The following DNAH11 variants were observed in gnomAD, a reference collection of about 807,000 sequenced individuals.
DNAH11 encodes axonemal beta dynein heavy chain 11.
In DNAH11, 442 loss-of-function variants were observed where a neutral mutation model predicts 526.0. The ratio of observed to expected loss-of-function variants is 0.84; its 90% CI spans 0.78 to 0.91. The LOEUF (loss-of-function observed/expected upper bound fraction) is 0.91, where lower values mean the gene tolerates loss of function less well. DNAH11 is among the 40% of genes least tolerant of loss of function. DNAH11 has a pLI of 0.00. For missense variants in DNAH11, 6,989 were observed against 5,448.7 expected (o/e 1.28, Z -8.90); for synonymous variants, 2,461 against 1,935.9 (o/e 1.27, Z -7.12).
chr7:21,654,775 G>T (rs1224600202), intron 28 of DNAH11, among the ~76,000 whole-genome samples: 1 of 152,146 alleles, frequency 6.6e-6, no homozygotes, highest in Non-Finnish European at 1.5e-5. Context: ...TACCTCAAGA[G>T]AGATGATAGA....
Position 21,687,446 on chromosome 7 carries a change from A to C in DNAH11, c.5843A>C (p.Asn1948Thr), listed in dbSNP as rs754385182. The C allele has an allele frequency of 8.7e-6, 14 of 1,614,006 alleles. No homozygotes were observed. The Admixed American group carries it at 2.2e-4, about 25-fold the overall frequency. The change falls in exon 34 of 82, where the codon AAC (asparagine) becomes ACC (threonine). Residue 1948 changes from asparagine (N) to threonine (T), a missense_variant. Coordinates refer to ENST00000409508, the MANE Select transcript of DNAH11 (RefSeq NM_001277115.2). The stretch of plus-strand genomic sequence containing the variant: ...GCTTGGGGCTGCTTTGATGAGTTCA[A>C]CCGAATCTCTGTGGAAGTTCTGTCA... ...TGAWGCFDEFNRISVEVLSVV... is the reference protein window; with the variant it reads ...TGAWGCFDEFTRISVEVLSVV...
At position 21,550,782 on chromosome 7, in the gene DNAH11, A is replaced by G. The variant is rs566951204; in HGVS notation, c.495+5633A>G. On this transcript the variant is annotated intron_variant, in intron 2 of 81. Coordinates refer to ENST00000409508, the MANE Select transcript of DNAH11 (RefSeq NM_001277115.2). ...AACCTGTTTTAATATTATTTTGACC[A>G]CATTCCCAGTGGTGGCTATGGAAGG... Among the ~76,000 whole-genome samples the G allele has an allele frequency of 5.9e-5, 9 of 152,310 alleles. No homozygotes were observed. In the South Asian group the frequency reaches 1.9e-3, roughly 32 times the overall value.
At chr7:21,613,553 T>C (rs1785629749) in intron 20 of DNAH11, among the ~76,000 whole-genome samples, 1 of 152,196 alleles carries the variant, frequency 6.6e-6, no homozygotes, top group Non-Finnish European at 1.5e-5. Flanking sequence ...CTTCTTTACA[T>C]AGTAGGAAAT....
intron 65 of DNAH11, among the ~76,000 whole-genome samples, chr7:21,830,355 G>C (rs958503976): frequency 2.6e-5 from 4 of 152,184 alleles, no homozygotes; most frequent in African/African-American, 4.8e-5. Context: ...TACTTCGGTA[G>C]TTGTTGCTAT....
chr7:21,771,502 TGA>T (rs1387170372), intron 55 of DNAH11, among the ~76,000 whole-genome samples: 6 of 152,170 alleles, frequency 3.9e-5, no homozygotes, highest in African/African-American at 1.2e-4. Context: ...GTGAGCCAAC[TGA>T]GAGAGTAGAA....
At position 21,559,731 on chromosome 7, in the gene DNAH11, C is replaced by T; in HGVS notation, c.821C>T (p.Pro274Leu). 1.2e-6 allele frequency: 2 copies of T among 1,608,962 alleles called. No homozygotes were observed. The highest frequency in any genetic ancestry group is 1.7e-6 in the Non-Finnish European group (2 of 1,177,426). The change falls in exon 4 of 82, where the codon CCT becomes CTT. Residue 274 changes from proline to leucine, a missense_variant. Pro to Leu is a moderately conservative substitution (Grantham distance 98). Transcript: ENST00000409508. ...QRLLNGLHLS[P>L]QAELDFWMMR... The stretch of plus-strand genomic sequence containing the variant: ...TTGTTGAATGGTCTTCACTTGTCTC[C>T]TCAAGCAGAACTAGATTTCTGGATG...
intron 30 of DNAH11, among the ~76,000 whole-genome samples, chr7:21,679,204 A>G (rs1231924241): frequency 1.3e-5 from 2 of 152,226 alleles, no homozygotes; most frequent in African/African-American, 4.8e-5. Context: ...TCTAACACAT[A>G]GTAACGGTAC....
intron 32 of DNAH11, among the ~76,000 whole-genome samples, chr7:21,685,954 C>T (rs1046545801): frequency 6.6e-6 from 1 of 152,184 alleles, no homozygotes; most frequent in Admixed American, 6.5e-5. Context: ...AATGTAGTCT[C>T]TAAACACTGG....
intron 30 of DNAH11, among the ~76,000 whole-genome samples, chr7:21,661,817 G>C (rs1325812545): frequency 6.6e-6 from 1 of 151,928 alleles, no homozygotes; most frequent in East Asian, 1.9e-4. Context: ...TTAGTATATG[G>C]AAAATACTAT....
At chr7:21,869,326 T>C (rs184989875) in intron 73 of DNAH11, among the ~76,000 whole-genome samples, 1 of 152,048 alleles carries the variant, frequency 6.6e-6, no homozygotes, top group Admixed American at 6.6e-5. Context: ...AGTGTTATCA[T>C]AGTATCTGGG....
At position 21,689,444 on chromosome 7, in the gene DNAH11, C is replaced by G. The variant is rs553185403; in HGVS notation, c.5925-1321C>G. 2.0e-5 allele frequency among the ~76,000 whole-genome samples: 3 copies of G among 152,342 alleles called. No homozygotes were observed. In the East Asian group the frequency reaches 5.8e-4, roughly 29 times the overall value. ...TGACTTCATGAGCTTATTAAATTCT[C>G]TGTACACATGAAGATTTAAGAGATG... On this transcript the variant is annotated intron_variant, in intron 34 of 81. Transcript: ENST00000409508.
At chr7:21,620,862 A>G (rs28886701) in intron 25 of DNAH11, among the ~76,000 whole-genome samples, 53,613 of 150,532 alleles carry the variant, frequency 0.36, 9,983 homozygotes, top group East Asian at 0.53. Context: ...ATGATTTCCA[A>G]TTTCATCCAT....
intron 39 of DNAH11, among the ~76,000 whole-genome samples, chr7:21,706,550 A>G (rs868478343): frequency 2.6e-5 from 4 of 152,222 alleles, no homozygotes; most frequent in Non-Finnish European, 5.9e-5. Flanking sequence ...ATTTTGTTAG[A>G]GTAAGTTACA....
intron 28 of DNAH11, among the ~76,000 whole-genome samples, chr7:21,649,492 C>T (rs182558234): frequency 6.6e-6 from 1 of 152,056 alleles, no homozygotes; most frequent in African/African-American, 2.4e-5. Flanking sequence ...AGTGGTATAC[C>T]AAATAACATG....
chr7:21,720,926 A>G, intron 44 of DNAH11, 70 bp downstream of exon 44: 1 of 1,557,884 alleles, frequency 6.4e-7, no homozygotes, highest in South Asian at 1.2e-5. Flanking sequence ...GGAGGTTAAA[A>G]CATGTGATCT....
chr7:21,704,967 G>A (rs190791087), intron 38 of DNAH11, among the ~76,000 whole-genome samples: 4 of 152,148 alleles, frequency 2.6e-5, no homozygotes, highest in East Asian at 1.9e-4. Flanking sequence ...AAAATCATTA[G>A]TGCCTGCTTT....
intron 61 of DNAH11, 57 bp from the exon 62 acceptor site, chr7:21,801,080 G>A: frequency 6.5e-7 from 1 of 1,533,262 alleles, no homozygotes. Flanking sequence ...TTAAGATGAT[G>A]GTAATCTCTC....
chr7:21,724,805 A>G (rs967127440), intron 44 of DNAH11, among the ~76,000 whole-genome samples: 1 of 107,646 alleles, frequency 9.3e-6, no homozygotes, highest in Admixed American at 9.5e-5. Context: ...CTGTGGATGC[A>G]TAGAGGTATC....
chr7:21,739,536 T>G lies in DNAH11; in HGVS notation c.7812-35T>G, dbSNP rs1401270634. The G allele has an allele frequency of 6.4e-6, 10 of 1,567,718 alleles. No individual in the cohort carries two copies. In the South Asian group the frequency reaches 7.1e-5, roughly 11 times the overall value. On this transcript the variant is annotated intron_variant, in intron 47 of 81. Coordinates refer to ENST00000409508, the MANE Select transcript of DNAH11 (RefSeq NM_001277115.2). ...GATTTTGCTCTTTTGTCATCTCCAG[T>G]TTTTGGATTTAAGGTTCTGTTTTCT...
Sources: gnomAD v4.1 joint callset for allele counts (sites outside exome capture counted in the v4.1 genomes callset) on GRCh38, gnomAD v4.1.1 for gene constraint, MANE v1.5 for transcripts, NCBI Gene and HGNC (gene_info 2026-07-23, HGNC 2026-07-21) for gene names.